CASP8: variants seen among roughly 807,000 people sequenced by gnomAD.
CASP8 encodes caspase 8.
A neutral mutation model predicts 46.3 loss-of-function variants in CASP8; 24 were observed. The observed-to-expected ratio is 0.52, with a 90% CI of 0.38 to 0.73. CASP8 has a LOEUF of 0.73. CASP8 is among the 30% of genes least tolerant of loss of function. The probability of loss-of-function intolerance (pLI) is 0.00; values close to 1 mark genes in which losing one functional copy is unlikely to be tolerated. For missense variants in CASP8, 460 were observed against 559.0 expected, an observed-to-expected ratio of 0.82 and a Z score of 1.79; for synonymous variants, 188 against 200.4, an observed-to-expected ratio of 0.94 and a Z score of 0.52.
Position 201,284,979 on chromosome 2 carries a change from C to T in CASP8, c.966C>T (p.Ile322=). The T allele has an allele frequency of 6.2e-7, 1 of 1,614,122 alleles. No individual in the cohort carries two copies. Among genetic ancestry groups the T allele is most frequent in the Non-Finnish European group, 8.5e-7 (1 of 1,180,002 alleles). ...CCILSHGDKG[I]IYGTDGQEAP... is the part of the protein sequence containing the mutation. ...TCCTCTCCCATGGAGACAAGGGCATCATCTATGGCACTGATGGACAGGAGG... is the reference window on the plus strand; with the variant it reads ...TCCTCTCCCATGGAGACAAGGGCATTATCTATGGCACTGATGGACAGGAGG... The change falls in exon 8 of 9, where the codon ATC becomes ATT. Residue 322 remains isoleucine (I), a synonymous_variant. Coordinates refer to ENST00000673742, the MANE Select transcript of CASP8 (RefSeq NM_001372051.1).
upstream of CASP8, among the ~76,000 whole-genome samples, chr2:201,256,644 C>T (rs1947032632): frequency 6.6e-6 from 1 of 152,184 alleles, no homozygotes. Flanking sequence ...GTTTTTGGCT[C>T]AGCAGGACTG....
Position 201,276,960 on chromosome 2 carries a change from T to C in CASP8, c.794T>C (p.Leu265Ser). ...ATTAGGGACAGGAATGGAACACACT[T>C]GGATGCAGGTACAGTAGAACCCAAA... ...HSIRDRNGTH[L>S]DAGALTTTFE... Residue 265 changes from leucine to serine, a missense_variant, in exon 7 of 9, where the codon TTG becomes TCG. Transcript: ENST00000673742. 1 of 1,611,998 alleles carries C rather than the reference T, an allele frequency of 6.2e-7. No homozygotes were observed. The highest frequency in any genetic ancestry group is 1.1e-5 in the South Asian group (1 of 91,036).
chr2:201,258,612 C>T (rs1347481547), upstream of CASP8, among the ~76,000 whole-genome samples: 1 of 152,166 alleles, frequency 6.6e-6, no homozygotes, highest in African/African-American at 2.4e-5. Context: ...CCTCTGCTAC[C>T]TTTTTGTCCT....
At chr2:201,281,558 G>A (rs188948401) in intron 7 of CASP8, among the ~76,000 whole-genome samples, 1 of 149,782 alleles carries the variant, frequency 6.7e-6, no homozygotes, top group African/African-American at 2.5e-5. Flanking sequence ...GGGATAGAGA[G>A]GGGATAACCT....
At chr2:201,241,596 C>A (rs1277028548) in intron 2 of CASP8, 1 of 152,190 alleles carries the variant, frequency 6.6e-6, no homozygotes, top group Non-Finnish European at 1.5e-5. Flanking sequence ...GACCAGATGG[C>A]TTCACAGGTG....
In CASP8 at chr2:201,272,242, G is replaced by T. The variant is rs542488920; in HGVS notation, c.412-396G>T. 3.3e-5 allele frequency among the ~76,000 whole-genome samples: 5 copies of T among 152,170 alleles called. No homozygotes were observed. Among genetic ancestry groups the T allele is most frequent in the African/African-American group, 1.2e-4 (5 of 41,518 alleles). ...ATGTGCATGTGGTGTCTGTGTGTGT[G>T]TGTCTGTGTGTCTGTATGTACTCAG... On this transcript the variant is annotated intron_variant, in intron 3 of 8. Coordinates refer to ENST00000673742, the MANE Select transcript of CASP8 (RefSeq NM_001372051.1). The surrounding 1 kb of genome is among the most constrained non-coding windows in gnomAD (Gnocchi z 4.4).
rs746547222 is a variant in CASP8, at chr2:201,285,359, T to A, written c.1304+42T>A. Reference sequence around the variant, plus strand: ...CAGCCCTCCTCACTGTTACACTACCTTCCCCCCCTACTCCATCACACTACT... The same window carrying A: ...CAGCCCTCCTCACTGTTACACTACCATCCCCCCCTACTCCATCACACTACT... On this transcript the variant is annotated intron_variant, in intron 8 of 8. Coordinates refer to ENST00000673742, the MANE Select transcript of CASP8 (RefSeq NM_001372051.1). 4.4e-6 allele frequency: 7 copies of A among 1,606,150 alleles called. No individual in the cohort carries two copies. In the African/African-American group the frequency reaches 6.7e-5, roughly 15 times the overall value.
intron 2 of CASP8, among the ~76,000 whole-genome samples, chr2:201,267,002 T>C (rs1474595135): frequency 6.6e-6 from 1 of 151,852 alleles, no homozygotes; most frequent in Non-Finnish European, 1.5e-5. Context: ...AGAGAGTGGG[T>C]AAACAAAGGC....
chr2:201,281,868 T>C (rs1284997070), intron 7 of CASP8: 15 of 1,481,186 alleles, frequency 1.0e-5, no homozygotes, highest in Non-Finnish European at 1.4e-5. Context: ...GCAATAAATA[T>C]TAGAAGCCTG....
At chr2:201,251,658 T>C (rs567484811) in intron 2 of CASP8, among the ~76,000 whole-genome samples, 48 of 150,756 alleles carry the variant, frequency 3.2e-4, no homozygotes, top group Admixed American at 6.0e-4. Context: ...ATCTCAGCAC[T>C]TTGGGAGGCG....
intron 2 of CASP8, among the ~76,000 whole-genome samples, chr2:201,268,887 C>G: frequency 6.7e-6 from 1 of 150,014 alleles, no homozygotes; most frequent in East Asian, 2.0e-4. Context: ...TAGGGCCCAC[C>G]TAATCCAGTA....
intron 1 of CASP8, among the ~76,000 whole-genome samples, chr2:201,263,976 C>T (rs1035177192): frequency 6.6e-6 from 1 of 152,242 alleles, no homozygotes; most frequent in Non-Finnish European, 1.5e-5. Context: ...TCTCACACTG[C>T]ACGCCCACAT....
rs146417323 is a variant in CASP8 at position 201,271,894 on chromosome 2, G to T, written c.411+273G>T. On this transcript the variant is annotated intron_variant, in intron 3 of 8. Coordinates refer to ENST00000673742, the MANE Select transcript of CASP8 (RefSeq NM_001372051.1). ...ACCCGGCAGAGCTGGGAAAGACTGCGGTGGGTCTGAGATATTTCCTCCACT... is the reference window on the plus strand; with the variant it reads ...ACCCGGCAGAGCTGGGAAAGACTGCTGTGGGTCTGAGATATTTCCTCCACT... Among the ~76,000 whole-genome samples the T allele has an allele frequency of 6.6e-5, 10 of 152,296 alleles. No homozygotes were observed. In the East Asian group the frequency reaches 1.7e-3, roughly 26 times the overall value.
intron 7 of CASP8, among the ~76,000 whole-genome samples, chr2:201,278,659 C>A (rs1405751526): frequency 6.6e-6 from 1 of 152,056 alleles, no homozygotes; most frequent in Non-Finnish European, 1.5e-5. Flanking sequence ...GCCTCAGCCT[C>A]CCAAGTAGCT....
At chr2:201,282,113 TTAAGA>T (rs542571619) in intron 7 of CASP8, among the ~76,000 whole-genome samples, 13 of 64,186 alleles carry the variant, frequency 2.0e-4, no homozygotes, top group Non-Finnish European at 3.9e-4. Context: ...CCCTGGGTAC[TTAAGA>T]TTAGGGAGTG....
chr2:201,281,878 G>A (rs1465651905), intron 7 of CASP8: 4 of 1,484,798 alleles, frequency 2.7e-6, no homozygotes, highest in Non-Finnish European at 3.6e-6. Context: ...TTAGAAGCCT[G>A]CAGAATCCAG....
chr2:201,258,637 C>T (rs1052060861), upstream of CASP8, among the ~76,000 whole-genome samples: 1 of 152,194 alleles, frequency 6.6e-6, no homozygotes, highest in Non-Finnish European at 1.5e-5. Flanking sequence ...GCTTCCCTGC[C>T]GCCTCGAATG....
At chr2:201,286,071 G>C (rs1949542632) in intron 8 of CASP8, among the ~76,000 whole-genome samples, 1 of 152,212 alleles carries the variant, frequency 6.6e-6, no homozygotes, top group Admixed American at 6.5e-5. Flanking sequence ...CTTGCCTTAA[G>C]TTTAATTGCA....
intron 5 of CASP8, among the ~76,000 whole-genome samples, chr2:201,273,167 C>T (rs1948401832): frequency 4.0e-5 from 6 of 151,674 alleles, no homozygotes. Context: ...AAGCAATTCT[C>T]CTGCCTCAGC....
Sources: gnomAD v4.1 joint callset for allele counts (sites outside exome capture counted in the v4.1 genomes callset) on GRCh38, gnomAD v4.1.1 for gene constraint, Gnocchi (gnomAD v3.1) non-coding constraint, MANE v1.5 for transcripts, NCBI Gene and HGNC (gene_info 2026-07-23, HGNC 2026-07-21) for gene names.